Variants in OTUD7A observed in about 807,000 individuals in gnomAD.
The protein encoded by OTUD7A is OTU domain-containing protein 7A.
In OTUD7A, 12 loss-of-function variants were observed where a neutral mutation model predicts 65.7. That is an observed-to-expected ratio of 0.18 (90% CI 0.12 to 0.30). OTUD7A has a LOEUF of 0.30. Ranked by LOEUF, OTUD7A falls within the 10% of genes least tolerant of loss-of-function variation. The pLI is 1.00. For missense variants in OTUD7A, 1,148 were observed against 1,304.8 expected (o/e 0.88, Z 1.85); for synonymous variants, 641 against 586.3 (o/e 1.09, Z -1.35).
intron 1 of OTUD7A, among the ~76,000 whole-genome samples, chr15:31,725,878 A>T (rs1443355767): frequency 2.0e-5 from 3 of 152,106 alleles, no homozygotes; most frequent in Non-Finnish European, 4.4e-5. Context: ...GTGCACCAGG[A>T]GCAGAAAATA....
At chr15:31,585,404 A>C (rs1889500672) in intron 3 of OTUD7A, among the ~76,000 whole-genome samples, 1 of 152,244 alleles carries the variant, frequency 6.6e-6, no homozygotes. Context: ...CTTCTGGCCC[A>C]GCTCTGGGGA....
In OTUD7A at chr15:31,815,682, G is replaced by A. The variant is rs554617752; in HGVS notation, c.-100+54825C>T. ...CTAGGCTATGAAGTGGTGGCGGCAG[G>A]ATGGAGCCAGGCTGGGGGGCCTCTC... On this transcript the variant is annotated intron_variant, in intron 1 of 12. Coordinates refer to ENST00000307050, the MANE Select transcript of OTUD7A (RefSeq NM_001382637.1). Among the ~76,000 whole-genome samples the A allele has an allele frequency of 3.3e-5, 5 of 152,318 alleles. No homozygotes were observed. The South Asian group carries it at 6.2e-4, about 19-fold the overall frequency.
chr15:31,825,519 G>A (rs1220209473), intron 1 of OTUD7A, among the ~76,000 whole-genome samples: 1 of 152,222 alleles, frequency 6.6e-6, no homozygotes, highest in African/African-American at 2.4e-5. Context: ...GGAATTCTGG[G>A]AGTACAATTC....
intron 1 of OTUD7A, among the ~76,000 whole-genome samples, chr15:31,826,299 T>A (rs1408515747): frequency 6.6e-6 from 1 of 152,228 alleles, no homozygotes; most frequent in Non-Finnish European, 1.5e-5. Context: ...AAACCTCAAT[T>A]AATAATTTCT....
At chr15:31,744,265 T>C (rs1894417964) in intron 1 of OTUD7A, among the ~76,000 whole-genome samples, 1 of 152,162 alleles carries the variant, frequency 6.6e-6, no homozygotes, top group African/African-American at 2.4e-5. Context: ...AAGTTTGGCA[T>C]GAGGCTAGCA....
intron 3 of OTUD7A, among the ~76,000 whole-genome samples, chr15:31,618,804 C>T (rs1308912757): frequency 6.6e-6 from 1 of 152,126 alleles, no homozygotes; most frequent in Non-Finnish European, 1.5e-5. Context: ...TCAATGTTGG[C>T]TTTTGTTGCC....
intron 4 of OTUD7A, among the ~76,000 whole-genome samples, chr15:31,568,839 T>A (rs576769505): frequency 9.9e-4 from 151 of 152,336 alleles, no homozygotes; most frequent in African/African-American, 3.6e-3. Context: ...CTCCTGCTCC[T>A]ACCCTGGCCA....
At position 31,585,559 on chromosome 15, in the gene OTUD7A, G is replaced by C. The variant is rs554289930; in HGVS notation, c.152-15362C>G. 2.2e-4 allele frequency among the ~76,000 whole-genome samples: 34 copies of C among 152,298 alleles called. No homozygotes were observed. The South Asian group carries it at 6.8e-3, about 31-fold the overall frequency. ...AGTGCGTCCCCACCCGGCATCCCCA[G>C]GGTTGAGAGCTTGACCTTTGAGTTA... On this transcript the variant is annotated intron_variant, in intron 3 of 12. Transcript: ENST00000307050.
chr15:31,609,085 G>A (rs1890321499), intron 3 of OTUD7A, among the ~76,000 whole-genome samples: 1 of 152,186 alleles, frequency 6.6e-6, no homozygotes, highest in African/African-American at 2.4e-5. Flanking sequence ...AGCGGGAAAG[G>A]CCCTGGGAGC....
intron 3 of OTUD7A, among the ~76,000 whole-genome samples, chr15:31,631,104 T>C (rs1891135106): frequency 6.6e-6 from 1 of 152,214 alleles, no homozygotes; most frequent in South Asian, 2.1e-4. Context: ...GTTAATATTG[T>C]TATGTGTGTA....
At chr15:31,856,763 T>G (rs1304908529) in intron 1 of OTUD7A, among the ~76,000 whole-genome samples, 2 of 152,240 alleles carry the variant, frequency 1.3e-5, no homozygotes, top group Non-Finnish European at 2.9e-5. Context: ...AACAATTCTT[T>G]GGTATGCTCC....
intron 3 of OTUD7A, among the ~76,000 whole-genome samples, chr15:31,635,433 G>A (rs1364380049): frequency 1.3e-5 from 2 of 152,158 alleles, no homozygotes; most frequent in Non-Finnish European, 2.9e-5. Flanking sequence ...TTTCCTGCCT[G>A]AAAACACAAA....
chr15:31,601,982 A>C (rs1349627153), intron 3 of OTUD7A, among the ~76,000 whole-genome samples: 2 of 152,210 alleles, frequency 1.3e-5, no homozygotes, highest in African/African-American at 4.8e-5. Context: ...AACCAAAAAA[A>C]GTCCAGGAAC....
At chr15:31,794,246 T>C (rs1302947010) in intron 1 of OTUD7A, among the ~76,000 whole-genome samples, 3 of 152,236 alleles carry the variant, frequency 2.0e-5, no homozygotes, top group African/African-American at 4.8e-5. Flanking sequence ...CCCTATTCTG[T>C]GCTATTGGCC....
At chr15:31,592,807 G>T (rs1470114843) in intron 3 of OTUD7A, among the ~76,000 whole-genome samples, 1 of 145,866 alleles carries the variant, frequency 6.9e-6, no homozygotes, top group Non-Finnish European at 1.5e-5. Context: ...GTGAACCCAG[G>T]AGGCGGCGCT....
intron 1 of OTUD7A, among the ~76,000 whole-genome samples, chr15:31,732,780 C>A (rs1286431577): frequency 1.3e-5 from 2 of 152,208 alleles, no homozygotes; most frequent in Non-Finnish European, 2.9e-5. Flanking sequence ...ACAAAGAATT[C>A]TTTCCACCTC....
In OTUD7A at chr15:31,848,828, G is replaced by A. The variant is rs537772854; in HGVS notation, c.-100+21679C>T. Among the ~76,000 whole-genome samples, 44 of 152,270 alleles carry A rather than the reference G, an allele frequency of 2.9e-4. No homozygotes were observed. The South Asian group carries it at 7.5e-3, about 26-fold the overall frequency. Reference sequence around the variant, plus strand: ...CTCAGCACTCAAAGTCAGAGAGCATGCACTGGGCACTCTCAGGCCTTGGCA... The same window carrying A: ...CTCAGCACTCAAAGTCAGAGAGCATACACTGGGCACTCTCAGGCCTTGGCA... On this transcript the variant is annotated intron_variant, in intron 1 of 12. Transcript: ENST00000307050.
rs763310660 is a variant in OTUD7A, at chr15:31,484,858, G to A, written c.1372-134C>T. 24 of 1,428,052 alleles carry A rather than the reference G, an allele frequency of 1.7e-5. No homozygotes were observed. Among genetic ancestry groups the A allele is most frequent in the Non-Finnish European group, 2.2e-5 (24 of 1,083,914 alleles). 88.5% of individuals were successfully genotyped at this position (1,428,052 alleles called of 1,614,324 possible). A position where few individuals can be genotyped will look rare whatever the true frequency, so the allele number is the denominator to read the frequency against. ...CTTCACTGTCCCAGTCCCCACTGTC[G>A]CTCTGGTGACTGTGACATCCGGATG... On this transcript the variant is annotated intron_variant, in intron 12 of 12. Transcript: ENST00000307050. This position sits in a 1 kb window ranked among gnomAD's most constrained non-coding sequence, Gnocchi z 4.5.
chr15:31,720,214 TAG>T (rs1893696631), intron 1 of OTUD7A, among the ~76,000 whole-genome samples: 1 of 150,886 alleles, frequency 6.6e-6, no homozygotes, highest in East Asian at 1.9e-4. Context: ...CCATATTGTA[TAG>T]AGTGTTTATG....
Sources: allele counts gnomAD v4.1 joint callset (sites outside exome capture counted in the v4.1 genomes callset), GRCh38; gene constraint gnomAD v4.1.1; non-coding constraint Gnocchi (gnomAD v3.1); transcripts MANE v1.5; gene names NCBI Gene and HGNC (gene_info 2026-07-23, HGNC 2026-07-21).